Variants in ZNF507 observed in about 807,000 individuals in gnomAD.
ZNF507 encodes the protein zinc finger protein 507.
ZNF507 carries 29 observed loss-of-function variants against 80.0 expected under a neutral mutation model. The observed-to-expected ratio is 0.36, with a 90% CI of 0.27 to 0.49. The LOEUF (loss-of-function observed/expected upper bound fraction) is 0.49, where lower values mean the gene tolerates loss of function less well. Ranked by LOEUF, ZNF507 falls within the 20% of genes least tolerant of loss-of-function variation. ZNF507 has a pLI of 0.98. For missense variants in ZNF507, 1,081 were observed against 1,152.2 expected (o/e 0.94, Z 0.90); for synonymous variants, 462 against 422.5 (o/e 1.09, Z -1.15).
intron 5 of ZNF507, among the ~76,000 whole-genome samples, chr19:32,365,031 C>A (rs946604899): frequency 6.6e-6 from 1 of 152,184 alleles, no homozygotes; most frequent in Non-Finnish European, 1.5e-5. Flanking sequence ...TGGTATCACA[C>A]TGTGGTTTTG....
At chr19:32,362,687 T>C (rs761470403) in intron 5 of ZNF507, among the ~76,000 whole-genome samples, 9 of 152,222 alleles carry the variant, frequency 5.9e-5, no homozygotes, top group Non-Finnish European at 1.2e-4. Context: ...TCTTAAAATA[T>C]TCACAGATTC....
chr19:32,369,329 A>T (rs549877735), intron 5 of ZNF507, among the ~76,000 whole-genome samples: 2 of 152,284 alleles, frequency 1.3e-5, no homozygotes, highest in East Asian at 3.9e-4. Context: ...TCCCCATGTC[A>T]TGTGTATGAC....
At chr19:32,356,824 A>T in intron 4 of ZNF507, 91 bp downstream of exon 4, 1 of 934,188 alleles carries the variant, frequency 1.1e-6, no homozygotes, top group East Asian at 2.4e-5. Context: ...TTCAGGGCAA[A>T]AGCCTATATT....
At chr19:32,381,277 G>A (rs918942300) in intron 5 of ZNF507, among the ~76,000 whole-genome samples, 8 of 152,096 alleles carry the variant, frequency 5.3e-5, no homozygotes, top group Non-Finnish European at 8.8e-5. Context: ...TTCATATGAC[G>A]CTGGAATGGT....
At chr19:32,350,200 CTTTT>C (rs11354466) in intron 2 of ZNF507, among the ~76,000 whole-genome samples, 2 of 141,438 alleles carry the variant, frequency 1.4e-5, no homozygotes, top group Admixed American at 7.0e-5. Context: ...TTTATCTAAC[CTTTT>C]TTTTTTTTTT....
In ZNF507 at chr19:32,387,367, A is replaced by G. The variant is rs1967703065; in HGVS notation, c.*4284A>G. On this transcript the variant is annotated 3_prime_UTR_variant, in exon 7 of 7. Coordinates refer to ENST00000355898, the MANE Select transcript of ZNF507 (RefSeq NM_001136156.2). The stretch of plus-strand genomic sequence containing the variant: ...CATTTGTGCCCTAGAATCCTGGGTC[A>G]CCTCAGTTGAAAGTGACCAAGGCCA... 1 of 152,128 alleles carries G rather than the reference A, an allele frequency of 6.6e-6. No homozygotes were observed. The highest frequency in any genetic ancestry group is 2.1e-4 in the South Asian group (1 of 4,826). 9.4% of individuals were successfully genotyped at this position (152,128 alleles called of 1,614,324 possible). A position where few individuals can be genotyped will look rare whatever the true frequency, so the allele number is the denominator to read the frequency against.
chr19:32,370,894 G>A (rs1967461387), intron 5 of ZNF507, among the ~76,000 whole-genome samples: 1 of 152,156 alleles, frequency 6.6e-6, no homozygotes. Flanking sequence ...ATTTTGAGTT[G>A]ATTGCTGTGG....
At chr19:32,350,155 T>C (rs2012790921) in intron 2 of ZNF507, among the ~76,000 whole-genome samples, 1 of 152,104 alleles carries the variant, frequency 6.6e-6, no homozygotes, top group African/African-American at 2.4e-5. Flanking sequence ...GGCCTTACAG[T>C]AACTTCCCCT....
chr19:32,378,635 G>A (rs1486437382), intron 5 of ZNF507, among the ~76,000 whole-genome samples: 1 of 109,796 alleles, frequency 9.1e-6, no homozygotes, highest in Non-Finnish European at 1.9e-5. Context: ...TCTAAAATTA[G>A]AAGCTTTTTT....
chr19:32,378,250 G>T (rs1967577115), intron 5 of ZNF507, among the ~76,000 whole-genome samples: 2 of 152,276 alleles, frequency 1.3e-5, no homozygotes. Flanking sequence ...CTACTCGGGA[G>T]GCTGAGGCAG....
At chr19:32,368,113 G>C (rs546849675) in intron 5 of ZNF507, among the ~76,000 whole-genome samples, 12 of 152,156 alleles carry the variant, frequency 7.9e-5, no homozygotes, top group Non-Finnish European at 1.5e-4. Context: ...GCTACACCAG[G>C]GAGATCTCTT....
intron 5 of ZNF507, among the ~76,000 whole-genome samples, chr19:32,378,089 A>C (rs1305033221): frequency 6.6e-6 from 1 of 152,146 alleles, no homozygotes; most frequent in African/African-American, 2.4e-5. Context: ...TTGGTGGCTC[A>C]GTGCGTGTAA....
intron 5 of ZNF507, among the ~76,000 whole-genome samples, chr19:32,370,330 A>G (rs933502628): frequency 6.6e-6 from 1 of 151,928 alleles, no homozygotes; most frequent in Non-Finnish European, 1.5e-5. Context: ...ACTATTTTTC[A>G]TGGCCGTACC....
At chr19:32,350,747 C>G (rs1367181501) in intron 2 of ZNF507, among the ~76,000 whole-genome samples, 1 of 152,128 alleles carries the variant, frequency 6.6e-6, no homozygotes, top group Non-Finnish European at 1.5e-5. Flanking sequence ...GGAAGGAGAC[C>G]TTAGATCTAC....
chr19:32,365,322 T>C (rs1967384182), intron 5 of ZNF507, among the ~76,000 whole-genome samples: 2 of 152,246 alleles, frequency 1.3e-5, no homozygotes, highest in Non-Finnish European at 2.9e-5. Flanking sequence ...TTCCTTTTGC[T>C]TTGCCAAAGC....
rs1359772522 is a variant in ZNF507, at chr19:32,354,413, C to G, written c.1583C>G (p.Thr528Ser). 1.9e-6 allele frequency: 3 copies of G among 1,614,114 alleles called. No individual in the cohort carries two copies. Among genetic ancestry groups the G allele is most frequent in the East Asian group, 2.2e-5 (1 of 44,872 alleles). ...GATATAAACCTTTTAGATCCAGATA[C>G]TAGTCAAAGGCAAGTAGATAGTACA... Reference protein sequence around the residue: ...YGDINLLDPDTSQRQVDSTLA... With the variant: ...YGDINLLDPDSSQRQVDSTLA... The change falls in exon 3 of 7, where the codon ACT becomes AGT. Residue 528 changes from threonine (T) to serine (S), a missense_variant. Thr to Ser is a moderately conservative substitution (Grantham distance 58). This residue lies in a region of ZNF507 where 614 missense variants were observed against 583.9 expected (regional missense o/e 1.05). Coordinates refer to ENST00000355898, the MANE Select transcript of ZNF507 (RefSeq NM_001136156.2).
chr19:32,359,891 T>G (rs956231504), intron 4 of ZNF507: 21 of 152,150 alleles, frequency 1.4e-4, no homozygotes, highest in Admixed American at 1.3e-4. Context: ...TTAGGCTTTT[T>G]TTTTGTAGGG....
In ZNF507 at chr19:32,354,726, A is replaced by G. The variant is rs769166520; in HGVS notation, c.1896A>G (p.Glu632=). Residue 632 remains glutamate (E), a synonymous_variant, in exon 3 of 7, where the codon GAA becomes GAG. Coordinates refer to ENST00000355898, the MANE Select transcript of ZNF507 (RefSeq NM_001136156.2). ...GTTTGTCCGGAAACAATGTGGTGGA[A>G]TACATCCCGAATGCTGAACGACCCT... ...DTSLSGNNVV[E]YIPNAERPYR... is the part of the protein sequence containing the mutation. 6.2e-7 allele frequency: 1 copy of G among 1,614,206 alleles called. No homozygotes were observed. Among genetic ancestry groups the G allele is most frequent in the Non-Finnish European group, 8.5e-7 (1 of 1,180,032 alleles).
chr19:32,354,018 C>G lies in ZNF507; in HGVS notation c.1188C>G (p.Asn396Lys), dbSNP rs199526138. ...SSSPNKKGHV[N>K]VIVERLPSAE... ...GCCCCAATAAAAAAGGGCATGTTAA[C>G]GTGATAGTGGAGCGATTGCCAAGTG... The change falls in exon 3 of 7, where the codon AAC becomes AAG. Residue 396 changes from asparagine to lysine, a missense_variant. Asn to Lys is a moderately conservative substitution (Grantham distance 94). Coordinates refer to ENST00000355898, the MANE Select transcript of ZNF507 (RefSeq NM_001136156.2). The G allele has an allele frequency of 2.8e-5, 45 of 1,614,098 alleles. No homozygotes were observed. The East Asian group carries it at 9.8e-4, about 35-fold the overall frequency.
Sources: gnomAD v4.1 joint callset for allele counts (sites outside exome capture counted in the v4.1 genomes callset) on GRCh38, gnomAD v4.1.1 for gene constraint, gnomAD v4.1.1 regional missense constraint, MANE v1.5 for transcripts, NCBI Gene and HGNC (gene_info 2026-07-23, HGNC 2026-07-21) for gene names.